The following MTX2 variants were observed in gnomAD, a reference collection of about 807,000 sequenced individuals.
MTX2 encodes metaxin-2.
In MTX2, 35 loss-of-function variants were observed where a neutral mutation model predicts 42.3. That is an observed-to-expected ratio of 0.83 (90% CI 0.63 to 1.10). MTX2 has a LOEUF of 1.10. Ranked by LOEUF, MTX2 falls within the 50% of genes least tolerant of loss-of-function variation. The pLI, the probability that MTX2 is intolerant of heterozygous loss-of-function variation, is 0.00. For missense variants in MTX2, 307 were observed against 304.1 expected (o/e 1.01, Z -0.07); for synonymous variants, 119 against 100.9 (o/e 1.18, Z -1.08).
At chr2:176,288,215 A>C (rs1693250705) in intron 1 of MTX2, among the ~76,000 whole-genome samples, 1 of 152,052 alleles carries the variant, frequency 6.6e-6, no homozygotes, top group Non-Finnish European at 1.5e-5. Flanking sequence ...TAGCCCTTAA[A>C]ATTTCAGTTT....
chr2:176,307,139 T>C (rs1684171692), intron 3 of MTX2, among the ~76,000 whole-genome samples: 1 of 152,232 alleles, frequency 6.6e-6, no homozygotes, highest in African/African-American at 2.4e-5. Flanking sequence ...TAGCCAGTTT[T>C]CCCAGCACCA....
intron 4 of MTX2, among the ~76,000 whole-genome samples, chr2:176,325,249 C>T (rs1021918196): frequency 2.0e-4 from 31 of 151,780 alleles, no homozygotes; most frequent in African/African-American, 6.7e-4. Context: ...CTGTCTAAGA[C>T]GGTAAACAAA....
intron 2 of MTX2, among the ~76,000 whole-genome samples, chr2:176,297,191 A>G (rs1014296208): frequency 1.9e-4 from 29 of 152,190 alleles, no homozygotes; most frequent in Admixed American, 2.0e-4. Context: ...CTGCACCAAT[A>G]GCTGAGACAG....
intron 1 of MTX2, among the ~76,000 whole-genome samples, chr2:176,293,475 T>G (rs1693370918): frequency 6.6e-6 from 1 of 152,020 alleles, no homozygotes; most frequent in Non-Finnish European, 1.5e-5. Flanking sequence ...GTGGAGGTGT[T>G]TGGGTCATGG....
intron 4 of MTX2, among the ~76,000 whole-genome samples, chr2:176,323,745 C>CAG (rs1684640709): frequency 6.6e-6 from 1 of 151,670 alleles, no homozygotes; most frequent in Non-Finnish European, 1.5e-5. Context: ...TACATGATCT[C>CAG]AGATTTCCCT....
rs1237078870 is a variant in MTX2 at position 176,298,116 on chromosome 2, T to A, written c.135+221T>A. ...TGTCAGTATATAAAATAAACATAAA[T>A]TTTTTTTTTTTTTAGAAATCACTTT... On this transcript the variant is annotated intron_variant, in intron 3 of 9. Transcript: ENST00000249442. Among the ~76,000 whole-genome samples the A allele has an allele frequency of 4.8e-5, 7 of 145,380 alleles. No homozygotes were observed. In the South Asian group the frequency reaches 1.5e-3, roughly 31 times the overall value.
chr2:176,313,834 A>G (rs1343911206), intron 3 of MTX2, among the ~76,000 whole-genome samples: 1 of 152,164 alleles, frequency 6.6e-6, no homozygotes, highest in Non-Finnish European at 1.5e-5. Flanking sequence ...AGGTTCTGCT[A>G]GGGTACTTAA....
chr2:176,304,993 A>C (rs1050921407), intron 3 of MTX2, among the ~76,000 whole-genome samples: 1 of 152,084 alleles, frequency 6.6e-6, no homozygotes, highest in Non-Finnish European at 1.5e-5. Flanking sequence ...AAAGCATCTA[A>C]TCTTTAAAAA....
At chr2:176,331,709 TC>T (rs1195806521) in intron 9 of MTX2, among the ~76,000 whole-genome samples, 1 of 151,194 alleles carries the variant, frequency 6.6e-6, no homozygotes, top group Non-Finnish European at 1.5e-5. Flanking sequence ...ACAACTCTGT[TC>T]CTGTTTCTAG....
Position 176,323,465 on chromosome 2 carries a change from G to C in MTX2, c.208+1G>C, listed in dbSNP as rs752452366. The C allele has an allele frequency of 6.2e-7, 1 of 1,608,240 alleles. No homozygotes were observed. The highest frequency in any genetic ancestry group is 1.7e-5 in the Admixed American group (1 of 59,848). On this transcript the variant is annotated splice_donor_variant, in intron 4 of 9. Coordinates refer to ENST00000249442, the MANE Select transcript of MTX2 (RefSeq NM_006554.5). LOFTEE classifies it high-confidence loss of function. ...AATGCAGAATATATGTCTCCATCTG[G>C]TAAGTGTGTTTTTTTTTCTTCTCTG...
At chr2:176,320,562 G>A (rs140553296) in intron 3 of MTX2, among the ~76,000 whole-genome samples, 1 of 152,040 alleles carries the variant, frequency 6.6e-6, no homozygotes, top group East Asian at 1.9e-4. Context: ...TCACATTCTT[G>A]TTCTTTCTTA....
intron 1 of MTX2, among the ~76,000 whole-genome samples, chr2:176,282,609 C>A (rs1465998920): frequency 1.3e-5 from 2 of 151,962 alleles, no homozygotes; most frequent in African/African-American, 2.4e-5. Context: ...GGGCTTTATA[C>A]ACACTTTTGT....
At chr2:176,307,934 T>A (rs923100079) in intron 3 of MTX2, among the ~76,000 whole-genome samples, 1 of 152,164 alleles carries the variant, frequency 6.6e-6, no homozygotes, top group Non-Finnish European at 1.5e-5. Context: ...TCTAACACTG[T>A]GTTCAATAGG....
chr2:176,278,791 T>G (rs751137329), intron 1 of MTX2, among the ~76,000 whole-genome samples: 1 of 152,110 alleles, frequency 6.6e-6, no homozygotes, highest in African/African-American at 2.4e-5. Flanking sequence ...AGTTATAATA[T>G]TCAGTAAATC....
chr2:176,306,929 A>G (rs980367713), intron 3 of MTX2, among the ~76,000 whole-genome samples: 2 of 152,042 alleles, frequency 1.3e-5, no homozygotes, highest in African/African-American at 4.8e-5. Context: ...CCATTTGCCT[A>G]TTTTGGCTTT....
At chr2:176,299,620 A>C (rs564992347) in intron 3 of MTX2, among the ~76,000 whole-genome samples, 58 of 152,212 alleles carry the variant, frequency 3.8e-4, no homozygotes, top group African/African-American at 1.3e-3. Flanking sequence ...GTTTTCTTCA[A>C]TATTCTTTGG....
chr2:176,278,758 C>A (rs909348777), intron 1 of MTX2, among the ~76,000 whole-genome samples: 1 of 152,066 alleles, frequency 6.6e-6, no homozygotes, highest in Admixed American at 6.5e-5. Context: ...ATTCAGGCTT[C>A]TCATTTTTTT....
intron 3 of MTX2, among the ~76,000 whole-genome samples, chr2:176,311,217 A>G (rs774023759): frequency 1.6e-4 from 25 of 152,144 alleles, no homozygotes; most frequent in Non-Finnish European, 3.1e-4. Context: ...TTGCCTGGGT[A>G]TCACCAGTGG....
rs77999043 is a variant in MTX2, at chr2:176,280,419, A to C, written c.40+10750A>C. 3.2e-3 allele frequency among the ~76,000 whole-genome samples: 487 copies of C among 152,344 alleles called. 4 individuals are homozygous for C. The highest frequency in any genetic ancestry group is 0.012 in the African/African-American group (482 of 41,574). On this transcript the variant is annotated intron_variant, in intron 1 of 9. Coordinates refer to ENST00000249442, the MANE Select transcript of MTX2 (RefSeq NM_006554.5). ...TTAATAGTAACTATCAAAAGTCTTAACTGGCAAGTTACTTTTGCAGTGTAA... is the reference window on the plus strand; with the variant it reads ...TTAATAGTAACTATCAAAAGTCTTACCTGGCAAGTTACTTTTGCAGTGTAA...
Sources: allele counts gnomAD v4.1 joint callset (sites outside exome capture counted in the v4.1 genomes callset), GRCh38; gene constraint gnomAD v4.1.1; transcripts MANE v1.5; gene names NCBI Gene and HGNC (gene_info 2026-07-23, HGNC 2026-07-21).